SRR: variants seen among roughly 807,000 people sequenced by gnomAD.
SRR encodes the protein serine racemase, also known as D-serine ammonia-lyase.
In SRR, 19 loss-of-function variants were observed where a neutral mutation model predicts 32.7. That is an observed-to-expected ratio of 0.58 (90% CI 0.40 to 0.85). The LOEUF (loss-of-function observed/expected upper bound fraction) is 0.85. Among genes scored for constraint, SRR ranks in the 40% least tolerant of loss-of-function variants. The pLI, the probability that SRR is intolerant of heterozygous loss-of-function variation, is 0.00. For synonymous variants in SRR, 142 were observed against 140.9 expected (o/e 1.01, Z -0.06); for missense variants, 373 against 404.7 (o/e 0.92, Z 0.67).
intron 1 of SRR, among the ~76,000 whole-genome samples, chr17:2,315,221 AC>A (rs2075463278): frequency 6.6e-6 from 1 of 150,828 alleles, no homozygotes; most frequent in African/African-American, 2.4e-5. Context: ...AGCCTGGGCT[AC>A]AGAGCGAGAC....
chr17:2,322,848 T>A, intron 6 of SRR: 1 of 385,466 alleles, frequency 2.6e-6, no homozygotes, highest in East Asian at 6.1e-5. Flanking sequence ...CACTGCAACC[T>A]ACCCCTCCCA....
At chr17:2,321,069 A>G (rs959967681) in intron 4 of SRR, among the ~76,000 whole-genome samples, 5 of 152,224 alleles carry the variant, frequency 3.3e-5, no homozygotes, top group African/African-American at 1.2e-4. Context: ...CCTATATGAA[A>G]TAAATTCCTT....
At chr17:2,304,744 G>C (rs2075370691) in intron 1 of SRR, among the ~76,000 whole-genome samples, 1 of 150,928 alleles carries the variant, frequency 6.6e-6, no homozygotes, top group South Asian at 2.1e-4. Flanking sequence ...GTCTCCAACA[G>C]AGCGAGACTC....
chr17:2,310,976 G>T (rs185221709), intron 1 of SRR, among the ~76,000 whole-genome samples: 1 of 151,940 alleles, frequency 6.6e-6, no homozygotes. Flanking sequence ...TCGATCTCCT[G>T]ACCTTGTGAT....
intron 1 of SRR, chr17:2,306,641 A>C (rs1353468978): frequency 5.8e-5 from 19 of 327,376 alleles, no homozygotes; most frequent in Non-Finnish European, 9.7e-5. Flanking sequence ...CACTTGAACC[A>C]AGGAGGTAGA....
chr17:2,323,590 G>A (rs1366957060), intron 7 of SRR, 65 bp from the exon 8 acceptor site: 1 of 1,537,994 alleles, frequency 6.5e-7, no homozygotes, highest in African/African-American at 1.4e-5. Flanking sequence ...ATTCTCATCT[G>A]AACTTTATAG....
chr17:2,321,486 ATT>A, intron 5 of SRR, 54 bp from the exon 6 acceptor site: 1 of 1,612,662 alleles, frequency 6.2e-7, no homozygotes, highest in East Asian at 2.2e-5. Flanking sequence ...ATATTCAATT[ATT>A]TTATATGTAT....
At chr17:2,323,087 G>A in intron 6 of SRR, 49 bp from the exon 7 acceptor site, 1 of 1,580,084 alleles carries the variant, frequency 6.3e-7, no homozygotes, top group Non-Finnish European at 8.7e-7. Context: ...TAGACATGCA[G>A]GCAATGTTGT....
At chr17:2,316,907 A>G (rs1438956935) in intron 2 of SRR, among the ~76,000 whole-genome samples, 2 of 90,012 alleles carry the variant, frequency 2.2e-5, no homozygotes. Flanking sequence ...TTGAATTTTT[A>G]GTAGAGACAG....
At position 2,324,722 on chromosome 17, in the gene SRR, T is replaced by C. The variant is rs1485625844; in HGVS notation, c.*849T>C. On this transcript the variant is annotated 3_prime_UTR_variant, in exon 8 of 8. Coordinates refer to ENST00000344595, the MANE Select transcript of SRR (RefSeq NM_021947.3). ...AAGAACATGTAACGTACTACTGCCA[T>C]CTTAGTAAAAATTTTGAAAGGATGA... 8 of 1,614,196 alleles carry C rather than the reference T, an allele frequency of 5.0e-6. No individual in the cohort carries two copies. Among genetic ancestry groups the C allele is most frequent in the Non-Finnish European group, 6.8e-6 (8 of 1,180,030 alleles).
chr17:2,323,763 G>A lies in SRR; in HGVS notation c.913G>A (p.Val305Ile). 1.2e-6 allele frequency: 2 copies of A among 1,614,202 alleles called. No individual in the cohort carries two copies. ...SQHFQTVSPEVKNICIVLSGG... is the reference protein window; with the variant it reads ...SQHFQTVSPEIKNICIVLSGG... ...ACATTTTCAAACTGTTTCCCCAGAAGTAAAGAACATTTGTATTGTGCTCAG... is the reference window on the plus strand; with the variant it reads ...ACATTTTCAAACTGTTTCCCCAGAAATAAAGAACATTTGTATTGTGCTCAG... The change falls in exon 8 of 8, where the codon GTA becomes ATA. Residue 305 changes from valine (V) to isoleucine (I), a missense_variant. Physicochemically the swap from Val to Ile is conservative, Grantham distance 29. Transcript: ENST00000344595.
upstream of SRR, chr17:2,303,815 C>G (rs1670949779): frequency 3.0e-6 from 3 of 1,012,234 alleles, no homozygotes; most frequent in South Asian, 3.2e-5. Context: ...TCGCCCACCT[C>G]CCGGCCTTTC....
At chr17:2,309,708 C>T (rs2075420151) in intron 1 of SRR, 1 of 152,460 alleles carries the variant, frequency 6.6e-6, no homozygotes, top group Admixed American at 6.5e-5. Flanking sequence ...TACTGTGTTA[C>T]AGATCTCATT....
chr17:2,306,878 T>C, intron 1 of SRR: 1 of 904,248 alleles, frequency 1.1e-6, no homozygotes, highest in Non-Finnish European at 1.8e-6. Context: ...TGGGGAACAC[T>C]CGCGGACTGT....
chr17:2,323,384 G>A (rs778471362), intron 7 of SRR, 39 bp downstream of exon 7: 19 of 1,610,630 alleles, frequency 1.2e-5, no homozygotes, highest in Non-Finnish European at 1.6e-5. Context: ...AAAGCATGGT[G>A]TAACTTCTTA....
chr17:2,324,870 G>C lies in SRR; in HGVS notation c.*997G>C, dbSNP rs1379271329. 1 of 1,581,082 alleles carries C rather than the reference G, an allele frequency of 6.3e-7. No homozygotes were observed. Among genetic ancestry groups the C allele is most frequent in the Middle Eastern group, 1.7e-4 (1 of 5,892 alleles). On this transcript the variant is annotated 3_prime_UTR_variant, in exon 8 of 8. Transcript: ENST00000344595. ...AAAGAAGCTATTTAGGAATTTACAG[G>C]CCAAAGTCTTCATTTATTGCCCAGT...
intron 4 of SRR, among the ~76,000 whole-genome samples, chr17:2,319,695 A>G (rs2075508160): frequency 6.6e-6 from 1 of 152,154 alleles, no homozygotes; most frequent in South Asian, 2.1e-4. Context: ...GATTCAAACC[A>G]ACATCAATTC....
intron 4 of SRR, among the ~76,000 whole-genome samples, chr17:2,320,504 T>C (rs2075518668): frequency 6.6e-6 from 1 of 151,942 alleles, no homozygotes; most frequent in African/African-American, 2.4e-5. Flanking sequence ...TCTGCCCGCC[T>C]TGGCCTCCCA....
At chr17:2,307,472 G>T (rs529514902) in intron 1 of SRR, 2 of 1,434,228 alleles carry the variant, frequency 1.4e-6, no homozygotes, top group South Asian at 1.1e-5. Flanking sequence ...GGTGGATATC[G>T]TGCAGTGGGG....
Sources: allele counts gnomAD v4.1 joint callset (sites outside exome capture counted in the v4.1 genomes callset), GRCh38; gene constraint gnomAD v4.1.1; transcripts MANE v1.5; gene names NCBI Gene and HGNC (gene_info 2026-07-23, HGNC 2026-07-21).